REV3L: variants seen among roughly 807,000 people sequenced by gnomAD.
REV3L encodes REV3 like, DNA directed polymerase zeta catalytic subunit, also known as DNA polymerase zeta catalytic subunit.
In REV3L, 69 loss-of-function variants were observed where a neutral mutation model predicts 299.4. That is an observed-to-expected ratio of 0.23 (90% CI 0.19 to 0.28). The LOEUF (loss-of-function observed/expected upper bound fraction) is 0.28. REV3L is among the 10% of genes least tolerant of loss of function. The pLI, the probability that REV3L is intolerant of heterozygous loss-of-function variation, is 1.00. For missense variants in REV3L, 3,128 were observed against 3,693.8 expected (o/e 0.85, Z 3.97); for synonymous variants, 1,238 against 1,271.4 (o/e 0.97, Z 0.56).
chr6:111,343,246 C>A (rs1341217498), intron 21 of REV3L, among the ~76,000 whole-genome samples: 7 of 152,084 alleles, frequency 4.6e-5, no homozygotes, highest in African/African-American at 1.4e-4. Context: ...TAAGAATGAA[C>A]AAACTATTTA....
intron 16 of REV3L, among the ~76,000 whole-genome samples, chr6:111,360,272 G>A (rs572707329): frequency 6.6e-6 from 1 of 152,064 alleles, no homozygotes; most frequent in South Asian, 2.1e-4. Flanking sequence ...TTCTATACAT[G>A]AAAAAATGGA....
chr6:111,301,673 T>C (rs1034763758), intron 31 of REV3L, among the ~76,000 whole-genome samples: 1 of 152,166 alleles, frequency 6.6e-6, no homozygotes, highest in Non-Finnish European at 1.5e-5. Context: ...TTCTTAAGGC[T>C]TCCCAGATGA....
rs548976594 is a variant in REV3L, at chr6:111,396,035, G to GT, written c.566-3064dup. ...AACAATCCTTGCACCCCTGAAATAA[G>GT]TTTTTTTTTGAGACAGGGTCTCACT... On this transcript the variant is annotated intron_variant, in intron 4 of 31. Coordinates refer to ENST00000368802, the MANE Select transcript of REV3L (RefSeq NM_001372078.1). 2.3e-3 allele frequency among the ~76,000 whole-genome samples: 347 copies of GT among 151,146 alleles called. 2 individuals carry two copies. The highest frequency in any genetic ancestry group is 6.8e-3 in the Middle Eastern group (2 of 294).
intron 3 of REV3L, among the ~76,000 whole-genome samples, chr6:111,408,979 C>T (rs956122702): frequency 7.2e-5 from 11 of 152,118 alleles, no homozygotes; most frequent in African/African-American, 2.4e-4. Flanking sequence ...GCCACCGTGC[C>T]CCACCTACTA....
rs777079927 is a variant in REV3L, at chr6:111,373,000, T to C, written c.5355A>G (p.Glu1785=). 4 of 1,614,046 alleles carry C rather than the reference T, an allele frequency of 2.5e-6. No homozygotes were observed. Among genetic ancestry groups the C allele is most frequent in the Non-Finnish European group, 3.4e-6 (4 of 1,180,022 alleles). The change falls in exon 13 of 32, where the codon GAA becomes GAG. Residue 1785 remains glutamate, a synonymous_variant. Coordinates refer to ENST00000368802, the MANE Select transcript of REV3L (RefSeq NM_001372078.1). ...SRLNRSSVSK[E]VFLSLPQPNN... ...TTGGCTGTGGGAGGCTAAGAAACAC[T>C]TCTTTGCTTACTGAACTCCTATTCA...
intron 21 of REV3L, among the ~76,000 whole-genome samples, chr6:111,340,124 C>G (rs943255455): frequency 6.6e-6 from 1 of 152,070 alleles, no homozygotes; most frequent in Non-Finnish European, 1.5e-5. Context: ...AGGAGAATCC[C>G]GAGTACAAAA....
At position 111,375,510 on chromosome 6, in the gene REV3L, T is replaced by A; in HGVS notation, c.2845A>T (p.Met949Leu). ...CCATCTAAACTTTCACCAATTTCCATGGGATGAGGTAGACTAATTTTTGAG... is the reference window on the plus strand; with the variant it reads ...CCATCTAAACTTTCACCAATTTCCAAGGGATGAGGTAGACTAATTTTTGAG... The part of the protein sequence containing the change: ...HNSKISLPHP[M>L]EIGESLDGTL... Residue 949 changes from methionine (M) to leucine (L), a missense_variant, in exon 13 of 32, where the codon ATG becomes TTG. By Grantham distance (15) the Met-to-Leu change is conservative. This residue lies in a region of REV3L where 2,409 missense variants were observed against 2,611.8 expected (regional missense o/e 0.92). Transcript: ENST00000368802. 1 of 1,605,868 alleles carries A rather than the reference T, an allele frequency of 6.2e-7. No homozygotes were observed. The highest frequency in any genetic ancestry group is 8.5e-7 in the Non-Finnish European group (1 of 1,178,000).
intron 25 of REV3L, among the ~76,000 whole-genome samples, chr6:111,324,228 C>A (rs1374265128): frequency 6.6e-6 from 1 of 152,078 alleles, no homozygotes; most frequent in Non-Finnish European, 1.5e-5. Context: ...GAACTCCTGG[C>A]CTCAAATGAT....
intron 3 of REV3L, 84 bp downstream of exon 3, chr6:111,411,396 T>C (rs1784229863): frequency 5.9e-6 from 5 of 847,408 alleles, no homozygotes; most frequent in Admixed American, 5.4e-5. Context: ...CTACAAACTA[T>C]AGAGGCCTTC....
intron 1 of REV3L, among the ~76,000 whole-genome samples, chr6:111,442,899 ATGTGTGTGTG>A (rs141289999): frequency 6.6e-6 from 1 of 151,150 alleles, no homozygotes; most frequent in Non-Finnish European, 1.5e-5. Flanking sequence ...CTCTGTGTGT[ATGTGTGTGTG>A]TGTGTCCTGT....
rs1394316762 is a variant in REV3L at position 111,431,364 on chromosome 6, C to G, written c.140-14892G>C. 5 of 988,092 alleles carry G rather than the reference C, an allele frequency of 5.1e-6. No individual in the cohort carries two copies. The East Asian group carries it at 1.2e-4, about 24-fold the overall frequency. 61.2% of individuals were successfully genotyped at this position (988,092 alleles called of 1,614,324 possible). ...CCACCAGGATGTCTGGACTCCAATA[C>G]TTCAAGACAGGCTCATAGCGCTGAA... On this transcript the variant is annotated intron_variant, in intron 1 of 31. Transcript: ENST00000368802.
intron 1 of REV3L, among the ~76,000 whole-genome samples, chr6:111,446,292 T>C (rs1440912350): frequency 1.3e-5 from 2 of 152,338 alleles, no homozygotes; most frequent in East Asian, 3.9e-4. Flanking sequence ...AGTAACAATA[T>C]AATTTCTTGT....
At chr6:111,394,616 T>C (rs1236905327) in intron 4 of REV3L, among the ~76,000 whole-genome samples, 1 of 152,148 alleles carries the variant, frequency 6.6e-6, no homozygotes, top group Non-Finnish European at 1.5e-5. Flanking sequence ...ACACAGTCCC[T>C]TTTGTCTATA....
intron 7 of REV3L, among the ~76,000 whole-genome samples, chr6:111,388,342 C>T (rs1428281026): frequency 6.6e-6 from 1 of 152,030 alleles, no homozygotes; most frequent in Non-Finnish European, 1.5e-5. Context: ...AAAAATTGTT[C>T]TCTACCTATA....
At chr6:111,349,073 G>A (rs1199254746) in intron 20 of REV3L, 145 bp downstream of exon 20, 2 of 496,972 alleles carry the variant, frequency 4.0e-6, no homozygotes, top group African/African-American at 4.0e-5. Flanking sequence ...ATTTTAGAAA[G>A]TACTATTTTA....
rs569176974 is a variant in REV3L at position 111,304,293 on chromosome 6, CACTT to C, written c.9252+3064_9252+3067del. Among the ~76,000 whole-genome samples the C allele has an allele frequency of 1.0e-4, 15 of 146,128 alleles. No homozygotes were observed. In the East Asian group the frequency reaches 2.0e-3, roughly 19 times the overall value. On this transcript the variant is annotated intron_variant, in intron 31 of 31. Coordinates refer to ENST00000368802, the MANE Select transcript of REV3L (RefSeq NM_001372078.1). The stretch of plus-strand genomic sequence containing the variant: ...GGAGACATTTAAAACATTCTAGAAA[CACTT>C]AAGAAGTACATTTTTTGGTACTGGG...
intron 4 of REV3L, among the ~76,000 whole-genome samples, chr6:111,394,840 C>A (rs1223764283): frequency 6.6e-6 from 1 of 151,662 alleles, no homozygotes; most frequent in Non-Finnish European, 1.5e-5. Context: ...GCTGCTGGGG[C>A]AACAGGCATG....
At chr6:111,359,051 T>C in intron 16 of REV3L, 37 bp from the exon 17 acceptor site, 2 of 1,530,274 alleles carry the variant, frequency 1.3e-6, no homozygotes, top group South Asian at 2.4e-5. Context: ...TTTAAAACAT[T>C]TTTTAAAGAC....
At chr6:111,447,023 T>C (rs553851420) in intron 1 of REV3L, among the ~76,000 whole-genome samples, 2 of 152,210 alleles carry the variant, frequency 1.3e-5, no homozygotes, top group Non-Finnish European at 2.9e-5. Flanking sequence ...CAAGTATAAT[T>C]AGACTCAGAT....
Sources: allele counts gnomAD v4.1 joint callset (sites outside exome capture counted in the v4.1 genomes callset), GRCh38; gene constraint gnomAD v4.1.1; regional missense constraint gnomAD v4.1.1; transcripts MANE v1.5; gene names NCBI Gene and HGNC (gene_info 2026-07-23, HGNC 2026-07-21).